The following OPCML variants were observed in gnomAD, a reference collection of about 807,000 sequenced individuals.
The protein encoded by OPCML is opioid-binding protein/cell adhesion molecule.
Under a neutral mutation model 37.8 loss-of-function variants are expected in OPCML, and 13 were observed. That is an observed-to-expected ratio of 0.34 (90% CI 0.22 to 0.55). OPCML has a LOEUF of 0.55. OPCML is among the 20% of genes least tolerant of loss of function. The pLI, the probability that OPCML is intolerant of heterozygous loss-of-function variation, is 0.91. For synonymous variants in OPCML, 176 were observed against 168.8 expected (o/e 1.04, Z -0.33); for missense variants, 341 against 435.6 (o/e 0.78, Z 1.93).
chr11:132,707,300 A>G (rs1454344535), intron 2 of OPCML, among the ~76,000 whole-genome samples: 1 of 152,186 alleles, frequency 6.6e-6, no homozygotes, highest in Admixed American at 6.5e-5. Context: ...CAACAAACAC[A>G]TATGCTCCAG....
rs550457481 is a variant in OPCML at position 133,304,509 on chromosome 11, C to T, written c.61+227755G>A. Among the ~76,000 whole-genome samples, 11 of 152,302 alleles carry T rather than the reference C, an allele frequency of 7.2e-5. No individual in the cohort carries two copies. In the South Asian group the frequency reaches 1.2e-3, roughly 17 times the overall value. ...AAAGGATGCAATTTCAGCTCCACAA[C>T]GTGTGCTTGGATACCACCATGTGCT... On this transcript the variant is annotated intron_variant, in intron 1 of 7. Coordinates refer to ENST00000524381, the MANE Select transcript of OPCML (RefSeq NM_001012393.5).
chr11:133,423,418 A>G (rs1945934391), intron 1 of OPCML: 1 of 985,380 alleles, frequency 1.0e-6, no homozygotes, highest in African/African-American at 1.7e-5. Context: ...TAACTCAGAG[A>G]GTTCCGCCTG....
chr11:132,493,817 A>G (rs1418272588), intron 4 of OPCML, among the ~76,000 whole-genome samples: 1 of 152,236 alleles, frequency 6.6e-6, no homozygotes, highest in African/African-American at 2.4e-5. Flanking sequence ...ACTCCATTTT[A>G]TCCTGATCCA....
At chr11:133,171,848 G>A (rs1391879364) in intron 1 of OPCML, among the ~76,000 whole-genome samples, 1 of 152,230 alleles carries the variant, frequency 6.6e-6, no homozygotes, top group Non-Finnish European at 1.5e-5. Flanking sequence ...TTAGGGGAGA[G>A]AAGAGGTGAA....
intron 2 of OPCML, among the ~76,000 whole-genome samples, chr11:132,770,284 G>C (rs1946594960): frequency 6.6e-6 from 1 of 152,020 alleles, no homozygotes; most frequent in Admixed American, 6.6e-5. Context: ...GTTTAGTTTT[G>C]TTATATCCTT....
chr11:133,423,015 C>G, intron 1 of OPCML: 2 of 985,406 alleles, frequency 2.0e-6, no homozygotes, highest in Non-Finnish European at 2.4e-6. Context: ...TCCTTCTCCA[C>G]TGTGCCATCC....
At chr11:132,730,663 A>G (rs546751948) in intron 2 of OPCML, among the ~76,000 whole-genome samples, 1 of 152,316 alleles carries the variant, frequency 6.6e-6, no homozygotes, top group East Asian at 1.9e-4. Flanking sequence ...TGGCCTCAAA[A>G]GAAGACGTAA....
intron 2 of OPCML, among the ~76,000 whole-genome samples, chr11:132,741,534 T>C (rs1945433042): frequency 6.6e-6 from 1 of 152,152 alleles, no homozygotes; most frequent in African/African-American, 2.4e-5. Flanking sequence ...TTATGAGAAT[T>C]AAATGAGGCA....
chr11:133,207,388 G>T (rs11828190), intron 1 of OPCML, among the ~76,000 whole-genome samples: 141 of 152,270 alleles, frequency 9.3e-4, no homozygotes, highest in African/African-American at 3.3e-3. Flanking sequence ...TTTAAGTCAG[G>T]AGGGTAACAA....
intron 1 of OPCML, among the ~76,000 whole-genome samples, chr11:132,945,447 A>C (rs1370156142): frequency 1.3e-5 from 2 of 152,248 alleles, no homozygotes; most frequent in African/African-American, 2.4e-5. Context: ...AAAATGGTAC[A>C]TCTGTACAGG....
intron 3 of OPCML, among the ~76,000 whole-genome samples, chr11:132,626,695 TAA>T (rs35134050): frequency 0.53 from 79,068 of 149,446 alleles, 21,505 homozygotes; most frequent in Non-Finnish European, 0.59. Context: ...TATGAGCCTT[TAA>T]AAAAAAAAAA....
intron 4 of OPCML, among the ~76,000 whole-genome samples, chr11:132,472,383 C>T (rs898401877): frequency 1.3e-5 from 2 of 152,188 alleles, no homozygotes; most frequent in African/African-American, 4.8e-5. Flanking sequence ...AGGGTTAACA[C>T]AATCCATTTC....
At chr11:132,588,955 A>G (rs538006969) in intron 3 of OPCML, among the ~76,000 whole-genome samples, 1 of 152,302 alleles carries the variant, frequency 6.6e-6, no homozygotes, top group African/African-American at 2.4e-5. Flanking sequence ...GCATATAACT[A>G]CAATGCAACA....
At chr11:133,021,990 T>A (rs1947464647) in intron 1 of OPCML, among the ~76,000 whole-genome samples, 1 of 152,138 alleles carries the variant, frequency 6.6e-6, no homozygotes, top group African/African-American at 2.4e-5. Flanking sequence ...AGTAAAACCA[T>A]TAAGTTAAGT....
intron 1 of OPCML, among the ~76,000 whole-genome samples, chr11:133,115,837 T>G (rs4417278): frequency 2.6e-5 from 4 of 151,282 alleles, no homozygotes; most frequent in Admixed American, 6.6e-5. Context: ...ATCATTTGTT[T>G]TCACATGTTT....
At chr11:132,884,008 G>A (rs1164103845) in intron 2 of OPCML, among the ~76,000 whole-genome samples, 2 of 152,172 alleles carry the variant, frequency 1.3e-5, no homozygotes, top group African/African-American at 2.4e-5. Flanking sequence ...TATCTAGTGA[G>A]CAGTCAGACA....
intron 2 of OPCML, among the ~76,000 whole-genome samples, chr11:132,894,448 C>G (rs1943761313): frequency 6.6e-6 from 1 of 152,234 alleles, no homozygotes; most frequent in Non-Finnish European, 1.5e-5. Flanking sequence ...CTAATCCACA[C>G]CCATGACTTC....
chr11:132,720,819 ATAT>A (rs527495370), intron 2 of OPCML, among the ~76,000 whole-genome samples: 341 of 152,258 alleles, frequency 2.2e-3, no homozygotes, highest in Non-Finnish European at 3.9e-3. Flanking sequence ...TCACATAATA[ATAT>A]TATTACCTTG....
chr11:132,893,055 C>T (rs963673428), intron 2 of OPCML, among the ~76,000 whole-genome samples: 3 of 152,190 alleles, frequency 2.0e-5, no homozygotes, highest in Non-Finnish European at 4.4e-5. Flanking sequence ...CTGCCATCAA[C>T]CTTCTACCCC....
Sources: allele counts gnomAD v4.1 joint callset (sites outside exome capture counted in the v4.1 genomes callset), GRCh38; gene constraint gnomAD v4.1.1; transcripts MANE v1.5; gene names NCBI Gene and HGNC (gene_info 2026-07-23, HGNC 2026-07-21).